Variants in XKR9 observed in about 807,000 individuals in gnomAD.
XKR9 encodes XK-related protein 9.
A neutral mutation model predicts 32.0 loss-of-function variants in XKR9; 32 were observed. The ratio of observed to expected loss-of-function variants is 1.00; its 90% CI spans 0.76 to 1.34. The LOEUF (loss-of-function observed/expected upper bound fraction) is 1.34. Among genes scored for constraint, XKR9 ranks in the 40% most tolerant of loss-of-function variants. The pLI, the probability that XKR9 is intolerant of heterozygous loss-of-function variation, is 0.00. For missense variants in XKR9, 546 were observed against 429.7 expected, an observed-to-expected ratio of 1.27 and a Z score of -2.39; for synonymous variants, 168 against 143.4, an observed-to-expected ratio of 1.17 and a Z score of -1.22.
intron 2 of XKR9, among the ~76,000 whole-genome samples, chr8:70,753,063 TA>T (rs1159691962): frequency 6.6e-6 from 1 of 151,948 alleles, no homozygotes; most frequent in Non-Finnish European, 1.5e-5. Flanking sequence ...ATAGACGCAA[TA>T]AAAAATGATA....
At chr8:70,768,707 G>A (rs1807411351) in intron 2 of XKR9, among the ~76,000 whole-genome samples, 1 of 148,096 alleles carries the variant, frequency 6.8e-6, no homozygotes, top group South Asian at 2.1e-4. Context: ...TCTGATCTTT[G>A]TTGGTTTAAA....
intron 3 of XKR9, among the ~76,000 whole-genome samples, chr8:70,685,699 A>G (rs1819247851): frequency 7.7e-6 from 1 of 130,226 alleles, no homozygotes. Flanking sequence ...ACACATGGAC[A>G]CAGGAAGGGG....
chr8:70,865,570 G>A, the XKR9 span, among the ~76,000 whole-genome samples: 1 of 152,034 alleles, frequency 6.6e-6, no homozygotes, highest in Non-Finnish European at 1.5e-5. Context: ...AATGGTGTAA[G>A]TTGGTGAGTC....
chr8:70,808,483 T>C, the XKR9 span, among the ~76,000 whole-genome samples: 1 of 152,078 alleles, frequency 6.6e-6, no homozygotes, highest in South Asian at 2.1e-4. Context: ...GAGCATGAGC[T>C]GAAGCAGGGT....
At chr8:70,908,429 G>C in the XKR9 span, among the ~76,000 whole-genome samples, 2 of 152,092 alleles carry the variant, frequency 1.3e-5, no homozygotes, top group Non-Finnish European at 2.9e-5. Context: ...AAGCTCACCA[G>C]GGAGTTTTTA....
At chr8:70,851,121 A>T in the XKR9 span, among the ~76,000 whole-genome samples, 2 of 152,230 alleles carry the variant, frequency 1.3e-5, no homozygotes, top group South Asian at 2.1e-4. Flanking sequence ...AATCACAAGC[A>T]TTCCTATACA....
chr8:70,699,970 C>T (rs543996251), intron 3 of XKR9, among the ~76,000 whole-genome samples: 20 of 152,292 alleles, frequency 1.3e-4, no homozygotes, highest in South Asian at 6.2e-4. Flanking sequence ...TCCAGTTGAT[C>T]GCATCAGCTC....
the XKR9 span, among the ~76,000 whole-genome samples, chr8:70,982,757 A>G: frequency 1.3e-5 from 2 of 152,176 alleles, no homozygotes; most frequent in African/African-American, 4.8e-5. Flanking sequence ...GCAAAATTTC[A>G]GGATGTGAGT....
At chr8:70,767,125 G>A (rs1370668752) in intron 2 of XKR9, among the ~76,000 whole-genome samples, 1 of 152,172 alleles carries the variant, frequency 6.6e-6, no homozygotes, top group African/African-American at 2.4e-5. Context: ...AAATGAGTTA[G>A]GGAGGAGTCC....
intron 2 of XKR9, among the ~76,000 whole-genome samples, chr8:70,745,235 A>C (rs146735685): frequency 6.6e-6 from 1 of 152,192 alleles, no homozygotes; most frequent in Non-Finnish European, 1.5e-5. Context: ...TTAATATAGA[A>C]TGAACTTAAT....
At chr8:70,902,909 C>A in the XKR9 span, among the ~76,000 whole-genome samples, 2 of 151,942 alleles carry the variant, frequency 1.3e-5, no homozygotes, top group African/African-American at 4.8e-5. Flanking sequence ...CATGTGGTTT[C>A]TTTTTTGGTT....
At chr8:70,973,575 T>A in the XKR9 span, among the ~76,000 whole-genome samples, 2 of 152,170 alleles carry the variant, frequency 1.3e-5, no homozygotes, top group African/African-American at 2.4e-5. Flanking sequence ...ACTTTCAGAC[T>A]TTTTAATGTA....
intron 1 of XKR9, among the ~76,000 whole-genome samples, chr8:70,671,108 T>G (rs993360110): frequency 1.3e-5 from 2 of 152,248 alleles, no homozygotes; most frequent in African/African-American, 2.4e-5. Flanking sequence ...CATAGCTCAC[T>G]GTAACCTTGA....
chr8:71,006,076 G>A, the XKR9 span, among the ~76,000 whole-genome samples: 97 of 152,342 alleles, frequency 6.4e-4, no homozygotes, highest in South Asian at 0.018. Context: ...TGTTCTTTTT[G>A]ACATGAGAAC....
At chr8:70,757,792 G>C (rs1375698438) in intron 2 of XKR9, among the ~76,000 whole-genome samples, 1 of 152,116 alleles carries the variant, frequency 6.6e-6, no homozygotes, top group Non-Finnish European at 1.5e-5. Flanking sequence ...TCGCCATGTT[G>C]GTCAGGCTGG....
chr8:70,935,151 A>G, the XKR9 span, among the ~76,000 whole-genome samples: 1 of 143,566 alleles, frequency 7.0e-6, no homozygotes, highest in South Asian at 2.2e-4. Context: ...ACACATATAT[A>G]CATATATATA....
chr8:70,974,223 T>C, the XKR9 span, among the ~76,000 whole-genome samples: 4 of 148,198 alleles, frequency 2.7e-5, no homozygotes, highest in African/African-American at 7.4e-5. Context: ...GTGTCCCTCT[T>C]TTTTTTTTTA....
chr8:70,975,018 T>C, the XKR9 span, among the ~76,000 whole-genome samples: 1 of 152,260 alleles, frequency 6.6e-6, no homozygotes, highest in Non-Finnish European at 1.5e-5. Context: ...CCTGTGTCTT[T>C]TGGCTGCATA....
At chr8:70,704,325 A>T (rs1805644983) in intron 3 of XKR9, among the ~76,000 whole-genome samples, 1 of 152,186 alleles carries the variant, frequency 6.6e-6, no homozygotes, top group Non-Finnish European at 1.5e-5. Flanking sequence ...TATATTTGCC[A>T]TTAATTGTTT....
Sources: allele counts gnomAD v4.1 joint callset (sites outside exome capture counted in the v4.1 genomes callset), GRCh38; gene constraint gnomAD v4.1.1; transcripts MANE v1.5; gene names NCBI Gene and HGNC (gene_info 2026-07-23, HGNC 2026-07-21).